Variants in VTI1B observed in about 807,000 individuals in gnomAD.
VTI1B encodes vesicle transport through interaction with t-SNAREs homolog 1B.
In VTI1B, 18 loss-of-function variants were observed where a neutral mutation model predicts 28.6. The observed-to-expected ratio is 0.63, with a 90% confidence interval of 0.43 to 0.93. VTI1B has a LOEUF of 0.93. VTI1B is among the 40% of genes least tolerant of loss of function. The pLI is 0.00. For synonymous variants in VTI1B, 100 were observed against 107.9 expected, an observed-to-expected ratio of 0.93 and a Z score of 0.46; for missense variants, 283 against 297.0, an observed-to-expected ratio of 0.95 and a Z score of 0.35.
rs767431019 is a variant in VTI1B at position 67,659,792 on chromosome 14, G to C, written c.305C>G (p.Ala102Gly). The change falls in exon 3 of 6, where the codon GCC becomes GGC. Residue 102 changes from alanine to glycine, a missense_variant. Ala to Gly is a moderately conservative substitution (Grantham distance 60). Transcript: ENST00000554659. The stretch of plus-strand genomic sequence containing the variant: ...CATGTCTCCTCGGCCTCCAGGTGTG[G>C]CTGTCAAAGGTGTGCTTCTCACCTC... ...HREVRSTPLT[A>G]TPGGRGDMKY... 6.2e-7 allele frequency: 1 copy of C among 1,613,980 alleles called. No homozygotes were observed. The highest frequency in any genetic ancestry group is 8.5e-7 in the Non-Finnish European group (1 of 1,180,004).
chr14:67,654,930 G>A (rs993922107), intron 4 of VTI1B, among the ~76,000 whole-genome samples: 3 of 150,712 alleles, frequency 2.0e-5, no homozygotes, highest in African/African-American at 4.9e-5. Context: ...TCGGGAGGCC[G>A]AGGCAGGAGA....
chr14:67,654,350 C>T (rs1429911434), intron 4 of VTI1B, among the ~76,000 whole-genome samples: 2 of 151,814 alleles, frequency 1.3e-5, no homozygotes, highest in Non-Finnish European at 2.9e-5. Flanking sequence ...GCTATGTTGC[C>T]CAGGCTGGTT....
chr14:67,663,021 C>A, intron 1 of VTI1B: 1 of 1,402,434 alleles, frequency 7.1e-7, no homozygotes, highest in Non-Finnish European at 9.2e-7. Flanking sequence ...AATAAAAATT[C>A]CACCTACTCG....
chr14:67,664,828 A>G (rs1327488220), intron 1 of VTI1B, among the ~76,000 whole-genome samples: 1 of 151,894 alleles, frequency 6.6e-6, no homozygotes, highest in African/African-American at 2.4e-5. Flanking sequence ...TGCTGTCCTG[A>G]GATTTTCTTA....
chr14:67,651,117 C>T lies in VTI1B; in HGVS notation c.*268G>A, dbSNP rs902668423. On this transcript the variant is annotated 3_prime_UTR_variant, in exon 6 of 6. Transcript: ENST00000554659. ...AATGTATTTGGTTTTTTGCAGTTCA[C>T]AGGGTATTAATATGCTACAGTACTA... The T allele has an allele frequency of 2.1e-5, 19 of 913,528 alleles. No homozygotes were observed. Among genetic ancestry groups the T allele is most frequent in the Non-Finnish European group, 3.1e-5 (19 of 616,820 alleles). The allele number at this position is 913,528 out of a possible 1,614,324, so 56.6% of individuals were successfully genotyped here. A position where few individuals can be genotyped will look rare whatever the true frequency, so the allele number is the denominator to read the frequency against.
chr14:67,662,923 A>G, intron 1 of VTI1B: 3 of 1,246,522 alleles, frequency 2.4e-6, no homozygotes, highest in Non-Finnish European at 3.0e-6. Context: ...AAAAAAAAAG[A>G]ATGTTTACCA....
At chr14:67,653,648 T>C (rs993693599) in intron 4 of VTI1B, 150 bp from the exon 5 acceptor site, 54 of 651,520 alleles carry the variant, frequency 8.3e-5, no homozygotes, top group Non-Finnish European at 9.2e-5. Context: ...TGAGTGTAAG[T>C]AGAAGAACCT....
At chr14:67,671,698 G>A (rs1424381516) in intron 1 of VTI1B, among the ~76,000 whole-genome samples, 1 of 152,190 alleles carries the variant, frequency 6.6e-6, no homozygotes, top group Non-Finnish European at 1.5e-5. Flanking sequence ...GAAAATAAAT[G>A]TATTTCTCAG....
chr14:67,657,462 G>T (rs75109862), intron 3 of VTI1B, among the ~76,000 whole-genome samples: 3 of 152,082 alleles, frequency 2.0e-5, no homozygotes, highest in African/African-American at 7.2e-5. Context: ...AATCCCCACC[G>T]AAGTTTTACT....
chr14:67,661,329 T>C lies in VTI1B; in HGVS notation c.174+1148A>G, dbSNP rs895640678. 1.5e-4 allele frequency among the ~76,000 whole-genome samples: 17 copies of C among 110,902 alleles called. No individual in the cohort carries two copies. The South Asian group carries it at 5.3e-3, about 35-fold the overall frequency. 72.8% of individuals were successfully genotyped at this position (110,902 alleles called of 152,430 possible). A position where few individuals can be genotyped will look rare whatever the true frequency, so the allele number is the denominator to read the frequency against. On this transcript the variant is annotated intron_variant, in intron 2 of 5. Coordinates refer to ENST00000554659, the MANE Select transcript of VTI1B (RefSeq NM_006370.3). The stretch of plus-strand genomic sequence containing the variant: ...TTTTTTTTTAAAGAAAAGCCACAGG[T>C]GAAGAGAAGCAGTTGTTAAACTGTT...
chr14:67,673,197 T>C (rs1445863844), intron 1 of VTI1B, among the ~76,000 whole-genome samples: 1 of 152,026 alleles, frequency 6.6e-6, no homozygotes, highest in Non-Finnish European at 1.5e-5. Flanking sequence ...ACAAAAATAA[T>C]TAGCTAGGGG....
chr14:67,660,213 A>G, intron 2 of VTI1B: 1 of 219,860 alleles, frequency 4.5e-6, no homozygotes, highest in South Asian at 1.2e-4. Context: ...TCTCCATTTA[A>G]TCCTCACAAC....
At position 67,650,695 on chromosome 14, in the gene VTI1B, G is replaced by A. The variant is rs761391054; in HGVS notation, c.*690C>T. On this transcript the variant is annotated 3_prime_UTR_variant, in exon 6 of 6. Coordinates refer to ENST00000554659, the MANE Select transcript of VTI1B (RefSeq NM_006370.3). ...TAGCAGCAAGGGAACCTGAGGTTTT[G>A]TCACACTTTGTTCTTCCAGGGTTGC... is the stretch of plus-strand genomic sequence containing the variant. 1.8e-4 allele frequency: 293 copies of A among 1,612,010 alleles called. No individual in the cohort carries two copies. Among genetic ancestry groups the A allele is most frequent in the Non-Finnish European group, 2.0e-4 (237 of 1,179,228 alleles).
At chr14:67,670,111 T>C (rs1411605589) in intron 1 of VTI1B, among the ~76,000 whole-genome samples, 3 of 152,010 alleles carry the variant, frequency 2.0e-5, no homozygotes, top group Non-Finnish European at 2.9e-5. Context: ...TCAAACAAAT[T>C]CCCGTTAGCA....
chr14:67,663,786 G>A (rs895069075), intron 1 of VTI1B, among the ~76,000 whole-genome samples: 11 of 152,292 alleles, frequency 7.2e-5, no homozygotes, highest in African/African-American at 2.6e-4. Flanking sequence ...CATTTGTATG[G>A]GGGAAAGGCA....
chr14:67,653,369 A>G, intron 5 of VTI1B, 68 bp downstream of exon 5: 1 of 1,413,188 alleles, frequency 7.1e-7, no homozygotes, highest in South Asian at 1.2e-5. Context: ...TTTGTAAGTC[A>G]CTATTTTAAG....
intron 1 of VTI1B, among the ~76,000 whole-genome samples, chr14:67,669,353 T>G (rs1372946656): frequency 1.3e-5 from 2 of 151,712 alleles, no homozygotes; most frequent in Non-Finnish European, 2.9e-5. Flanking sequence ...CACTAAAACT[T>G]CAAACTGCTA....
chr14:67,670,270 AGT>A (rs1235489455), intron 1 of VTI1B, among the ~76,000 whole-genome samples: 1 of 152,116 alleles, frequency 6.6e-6, no homozygotes, highest in Non-Finnish European at 1.5e-5. Context: ...TTCCATATCA[AGT>A]CCAAATGTCT....
At chr14:67,654,590 G>T (rs2037230706) in intron 4 of VTI1B, among the ~76,000 whole-genome samples, 1 of 152,148 alleles carries the variant, frequency 6.6e-6, no homozygotes, top group Non-Finnish European at 1.5e-5. Flanking sequence ...CTGACTTAAT[G>T]GAGAACTGAA....
Sources: gnomAD v4.1 joint callset for allele counts (sites outside exome capture counted in the v4.1 genomes callset) on GRCh38, gnomAD v4.1.1 for gene constraint, MANE v1.5 for transcripts, NCBI Gene and HGNC (gene_info 2026-07-23, HGNC 2026-07-21) for gene names.